The following CELF5 variants were observed in gnomAD, a reference collection of about 807,000 sequenced individuals.
CELF5 encodes the protein CUG-BP and ETR-3 like factor 5.
A neutral mutation model predicts 54.9 loss-of-function variants in CELF5; 6 were observed. The observed-to-expected ratio is 0.11, with a 90% CI of 0.06 to 0.22. The LOEUF (loss-of-function observed/expected upper bound fraction) is 0.22, where lower values mean the gene tolerates loss of function less well. Ranked by LOEUF, CELF5 falls within the 10% of genes least tolerant of loss-of-function variation. CELF5 has a pLI of 1.00. For missense variants in CELF5, 401 were observed against 678.6 expected (o/e 0.59, Z 4.54); for synonymous variants, 271 against 290.9 (o/e 0.93, Z 0.70).
In CELF5 at chr19:3,278,717, CTG is replaced by C. The variant is rs975121968; in HGVS notation, c.603+610_603+611del. Among the ~76,000 whole-genome samples, 3 of 151,142 alleles carry C rather than the reference CTG, an allele frequency of 2.0e-5. No individual in the cohort carries two copies. Among genetic ancestry groups the C allele is most frequent in the Admixed American group, 6.6e-5 (1 of 15,124 alleles). On this transcript the variant is annotated intron_variant, in intron 5 of 12. Coordinates refer to ENST00000292672, the MANE Select transcript of CELF5 (RefSeq NM_021938.4). The surrounding 1 kb of genome is among the most constrained non-coding windows in gnomAD (Gnocchi z 4.5). ...TGTGTGTGTTTGTGTGTGTGCATGA[CTG>C]TGAGTGTGTCAGTATTGTGGGTGAT...
intron 8 of CELF5, among the ~76,000 whole-genome samples, chr19:3,283,991 T>C (rs1376559583): frequency 6.6e-6 from 1 of 151,690 alleles, no homozygotes; most frequent in Non-Finnish European, 1.5e-5. Flanking sequence ...GCACGTGCCA[T>C]TATGCTTGGC....
chr19:3,291,006 G>T (rs2080337480), intron 11 of CELF5, among the ~76,000 whole-genome samples: 1 of 151,574 alleles, frequency 6.6e-6, no homozygotes, highest in South Asian at 2.1e-4. Context: ...TGTGCCTGTA[G>T]TCCCAACTAC....
intron 1 of CELF5, among the ~76,000 whole-genome samples, chr19:3,235,661 G>T (rs1162996805): frequency 1.8e-5 from 2 of 108,244 alleles, no homozygotes; most frequent in South Asian, 6.3e-4. Flanking sequence ...TGGATGGATG[G>T]ATGGATGGAT....
chr19:3,233,743 T>C (rs542868221), intron 1 of CELF5, among the ~76,000 whole-genome samples: 21 of 152,236 alleles, frequency 1.4e-4, no homozygotes, highest in Non-Finnish European at 1.6e-4. Context: ...TCTGTGTGTC[T>C]TGGAAGGACT....
intron 1 of CELF5, among the ~76,000 whole-genome samples, chr19:3,227,763 C>T (rs1917005241): frequency 6.6e-6 from 1 of 152,062 alleles, no homozygotes; most frequent in Admixed American, 6.5e-5. Context: ...TACCCTGGGT[C>T]CCACATTTAC....
In CELF5 at chr19:3,292,259, G is replaced by A. The variant is rs1161736331; in HGVS notation, c.1331-1060G>A. Among the ~76,000 whole-genome samples the A allele has an allele frequency of 2.7e-5, 4 of 150,264 alleles. No individual in the cohort carries two copies. In the East Asian group the frequency reaches 5.9e-4, roughly 22 times the overall value. On this transcript the variant is annotated intron_variant, in intron 11 of 12. Coordinates refer to ENST00000292672, the MANE Select transcript of CELF5 (RefSeq NM_021938.4). ...ACCACACCCGGCCAAAGACCAGACT[G>A]TTAACCTCACACTGTCCTGTTTAAA...
chr19:3,272,643 G>C (rs527723649), intron 2 of CELF5, among the ~76,000 whole-genome samples: 2 of 152,166 alleles, frequency 1.3e-5, no homozygotes, highest in Non-Finnish European at 2.9e-5. Flanking sequence ...TCCTCCATGT[G>C]TCCTTCCCCA....
chr19:3,236,701 T>A (rs1173976700), intron 1 of CELF5, among the ~76,000 whole-genome samples: 1 of 151,988 alleles, frequency 6.6e-6, no homozygotes, highest in Non-Finnish European at 1.5e-5. Context: ...AAAATGAATC[T>A]AGGCCAGGCG....
intron 11 of CELF5, among the ~76,000 whole-genome samples, chr19:3,291,767 G>A (rs1005968139): frequency 6.6e-6 from 1 of 151,464 alleles, no homozygotes; most frequent in African/African-American, 2.4e-5. Flanking sequence ...GGGAGGAGGG[G>A]GAACATGGAG....
intron 11 of CELF5, among the ~76,000 whole-genome samples, chr19:3,292,010 G>A (rs896579302): frequency 5.9e-5 from 9 of 152,198 alleles, no homozygotes; most frequent in East Asian, 1.9e-4. Flanking sequence ...GCAATTGCAC[G>A]ATCTCAGCTC....
At chr19:3,225,783 C>T (rs1916874161) in intron 1 of CELF5, among the ~76,000 whole-genome samples, 1 of 150,648 alleles carries the variant, frequency 6.6e-6, no homozygotes, top group African/African-American at 2.4e-5. Context: ...CCCCCTCCCC[C>T]GCCTCCACCT....
In CELF5 at chr19:3,264,517, G is replaced by A. The variant is rs563198486; in HGVS notation, c.343-9355G>A. ...TGCAAGCTTGGCCTCCCGGGTTCAC[G>A]CTATTCTCCTGCCTCAGCCTCCCGA... On this transcript the variant is annotated intron_variant, in intron 2 of 12. Coordinates refer to ENST00000292672, the MANE Select transcript of CELF5 (RefSeq NM_021938.4). Among the ~76,000 whole-genome samples, 37 of 150,198 alleles carry A rather than the reference G, an allele frequency of 2.5e-4. 1 individual carries two copies. The highest frequency in any genetic ancestry group is 7.9e-4 in the African/African-American group (32 of 40,764).
intron 2 of CELF5, among the ~76,000 whole-genome samples, chr19:3,253,892 C>T (rs2079684026): frequency 6.6e-6 from 1 of 152,154 alleles, no homozygotes; most frequent in Non-Finnish European, 1.5e-5. Flanking sequence ...GGAGTCCTCC[C>T]AGCTAAGCAC....
intron 2 of CELF5, among the ~76,000 whole-genome samples, chr19:3,253,788 C>T: frequency 6.8e-6 from 1 of 147,472 alleles, no homozygotes; most frequent in East Asian, 2.2e-4. Flanking sequence ...GTTTAGTGAA[C>T]CATGTTTTTG....
chr19:3,235,561 GGTGGATGGATGT>G (rs796682775), intron 1 of CELF5, among the ~76,000 whole-genome samples: 29 of 136,158 alleles, frequency 2.1e-4, no homozygotes, highest in East Asian at 7.3e-4. Flanking sequence ...TGAGTGGATG[GGTGGATGGATGT>G]GTGGATGGGT....
At position 3,281,270 on chromosome 19, in the gene CELF5, G is replaced by C. The variant is rs914242740; in HGVS notation, c.675G>C (p.Gln225His). The change falls in exon 6 of 13, where the codon CAG (glutamine) becomes CAC (histidine). Residue 225 changes from glutamine (Q) to histidine (H), a missense_variant. Coordinates refer to ENST00000292672, the MANE Select transcript of CELF5 (RefSeq NM_021938.4). The surrounding 1 kb of genome is among the most constrained non-coding windows in gnomAD (Gnocchi z 6.5). ...AGCGGACGCTCCGGCGCATGCAGCAGATGGTGGGCCAGCTGGGCATCCTGA... is the reference window on the plus strand; with the variant it reads ...AGCGGACGCTCCGGCGCATGCAGCACATGGTGGGCCAGCTGGGCATCCTGA... ...DKERTLRRMQ[Q>H]MVGQLGILTP... 1 of 1,611,840 alleles carries C rather than the reference G, an allele frequency of 6.2e-7. No homozygotes were observed. Among genetic ancestry groups the C allele is most frequent in the Non-Finnish European group, 8.5e-7 (1 of 1,179,930 alleles).
At chr19:3,253,616 G>C (rs2079680125) in intron 2 of CELF5, among the ~76,000 whole-genome samples, 1 of 152,186 alleles carries the variant, frequency 6.6e-6, no homozygotes, top group African/African-American at 2.4e-5. Context: ...CAGAAGCCCA[G>C]GGGTGCAGAG....
At chr19:3,242,664 G>A (rs1038215789) in intron 1 of CELF5, among the ~76,000 whole-genome samples, 5 of 152,116 alleles carry the variant, frequency 3.3e-5, no homozygotes, top group African/African-American at 1.2e-4. Flanking sequence ...AAATTAGACA[G>A]TCATAGTGGC....
intron 10 of CELF5, among the ~76,000 whole-genome samples, chr19:3,288,522 CAAAA>C (rs1243029414): frequency 6.7e-6 from 1 of 149,900 alleles, no homozygotes; most frequent in East Asian, 2.0e-4. Flanking sequence ...AACTCCATCT[CAAAA>C]CAAACAAACA....
Sources: allele counts gnomAD v4.1 joint callset (sites outside exome capture counted in the v4.1 genomes callset), GRCh38; gene constraint gnomAD v4.1.1; non-coding constraint Gnocchi (gnomAD v3.1); transcripts MANE v1.5; gene names NCBI Gene and HGNC (gene_info 2026-07-23, HGNC 2026-07-21).